Variants in NRAP observed in about 807,000 individuals in gnomAD.
NRAP encodes the protein nebulin-related-anchoring protein.
NRAP carries 189 observed loss-of-function variants against 225.9 expected under a neutral mutation model. The observed-to-expected ratio is 0.84, with a 90% confidence interval of 0.74 to 0.94. NRAP has a LOEUF of 0.94. Among genes scored for constraint, NRAP ranks in the 40% least tolerant of loss-of-function variants. The probability of loss-of-function intolerance (pLI) is 0.00; values close to 1 mark genes in which losing one functional copy is unlikely to be tolerated. For synonymous variants in NRAP, 769 were observed against 790.7 expected, an observed-to-expected ratio of 0.97 and a Z score of 0.46; for missense variants, 2,176 against 2,168.7, an observed-to-expected ratio of 1.00 and a Z score of -0.07.
chr10:113,619,031 A>T lies in NRAP; in HGVS notation c.2875-1478T>A, dbSNP rs1592778010. On this transcript the variant is annotated intron_variant, in intron 25 of 41. Coordinates refer to ENST00000359988, the MANE Select transcript of NRAP (RefSeq NM_198060.4). ...CAGCCTAAAATGAGATGGGGGGGAAAGTTGCTGAAAGATGCCTTGCCTTAC... is the reference window on the plus strand; with the variant it reads ...CAGCCTAAAATGAGATGGGGGGGAATGTTGCTGAAAGATGCCTTGCCTTAC... Among the ~76,000 whole-genome samples, 3 of 152,308 alleles carry T rather than the reference A, an allele frequency of 2.0e-5. No homozygotes were observed. In the South Asian group the frequency reaches 6.2e-4, roughly 32 times the overall value.
At chr10:113,604,998 A>T in intron 34 of NRAP, 78 bp from the exon 35 acceptor site, 1 of 1,491,768 alleles carries the variant, frequency 6.7e-7, no homozygotes, top group East Asian at 2.3e-5. Context: ...TTGTTCTTAC[A>T]CTAGGAGGTG....
Position 113,604,923 on chromosome 10 carries a change from G to A in NRAP, c.3916-3C>T. 6.2e-7 allele frequency: 1 copy of A among 1,607,566 alleles called. No homozygotes were observed. The highest frequency in any genetic ancestry group is 8.5e-7 in the Non-Finnish European group (1 of 1,175,224). On this transcript the variant is annotated splice_polypyrimidine_tract_variant and splice_region_variant and intron_variant, in intron 34 of 41. Transcript: ENST00000359988. Reference sequence around the variant, plus strand: ...ACAAAGTCATGTCTGTAGAGAAACTGCAAGAAAGGGCTGGCCGGTCAAATT... The same window carrying A: ...ACAAAGTCATGTCTGTAGAGAAACTACAAGAAAGGGCTGGCCGGTCAAATT...
Position 113,622,157 on chromosome 10 carries a change from C to T in NRAP, c.2481G>A (p.Glu827=), listed in dbSNP as rs946296448. 1 of 1,613,138 alleles carries T rather than the reference C, an allele frequency of 6.2e-7. No homozygotes were observed. The highest frequency in any genetic ancestry group is 8.5e-7 in the Non-Finnish European group (1 of 1,179,252). The change falls in exon 24 of 42, where the codon GAG becomes GAA. Residue 827 remains glutamate (E), a synonymous_variant. Coordinates refer to ENST00000359988, the MANE Select transcript of NRAP (RefSeq NM_198060.4). ...ASEVKYKEDY[E]RSRGKLIGAK... ...CCCCAATGAGCTTCCCTCTGGATCT[C>T]TCATAATCCTCCTTGTACTTCACCT...
intron 30 of NRAP, 98 bp from the exon 31 acceptor site, chr10:113,610,661 C>A: frequency 1.4e-6 from 1 of 706,572 alleles, no homozygotes; most frequent in Non-Finnish European, 2.5e-6. Context: ...CATCTGACAG[C>A]GTCATAATTA....
At chr10:113,647,657 A>G (rs1281015133) in intron 9 of NRAP, among the ~76,000 whole-genome samples, 1 of 143,674 alleles carries the variant, frequency 7.0e-6, no homozygotes, top group African/African-American at 2.5e-5. Context: ...CCCCGGTGGT[A>G]CTGCCTCCCC....
At chr10:113,644,164 A>AAAAAAAAAAC (rs1206298956) in intron 11 of NRAP, among the ~76,000 whole-genome samples, 1 of 150,408 alleles carries the variant, frequency 6.6e-6, no homozygotes. Flanking sequence ...AAAAAAAAAA[A>AAAAAAAAAAC]AAAAAGGCCA....
intron 11 of NRAP, among the ~76,000 whole-genome samples, chr10:113,644,189 T>A (rs554269814): frequency 6.9e-6 from 1 of 145,626 alleles, no homozygotes; most frequent in Admixed American, 6.9e-5. Context: ...GTTAACAGTG[T>A]TATTCCTGGG....
At chr10:113,593,933 G>A (rs1485334712) in intron 38 of NRAP, among the ~76,000 whole-genome samples, 1 of 152,218 alleles carries the variant, frequency 6.6e-6, no homozygotes, top group Non-Finnish European at 1.5e-5. Flanking sequence ...AGAAAGCATG[G>A]CCCAGATCGG....
At chr10:113,629,865 T>C (rs1848486841) in intron 18 of NRAP, 80 bp from the exon 19 acceptor site, 2 of 982,358 alleles carry the variant, frequency 2.0e-6, no homozygotes, top group Non-Finnish European at 3.2e-6. Flanking sequence ...GCAGGAAAGA[T>C]TTCCGGGCTT....
At chr10:113,609,348 A>G (rs1014191862) in intron 31 of NRAP, among the ~76,000 whole-genome samples, 2 of 152,160 alleles carry the variant, frequency 1.3e-5, no homozygotes, top group African/African-American at 2.4e-5. Flanking sequence ...ATTTCTCTGG[A>G]AAAGCAAAGC....
At position 113,644,062 on chromosome 10, in the gene NRAP, C is replaced by T. The variant is rs556787480; in HGVS notation, c.1111-1024G>A. Reference sequence around the variant, plus strand: ...ACTCAGGAGGCTGAGGAAGGGGAATCGCTTGACGTGGGAGGTGGAGGTTGC... The same window carrying T: ...ACTCAGGAGGCTGAGGAAGGGGAATTGCTTGACGTGGGAGGTGGAGGTTGC... On this transcript the variant is annotated intron_variant, in intron 11 of 41. Coordinates refer to ENST00000359988, the MANE Select transcript of NRAP (RefSeq NM_198060.4). 4.4e-5 allele frequency among the ~76,000 whole-genome samples: 6 copies of T among 136,392 alleles called. No individual in the cohort carries two copies. The South Asian group carries it at 7.2e-4, about 16-fold the overall frequency. The allele number at this position is 136,392 out of a possible 152,430, so 89.5% of individuals were successfully genotyped here.
Position 113,588,911 on chromosome 10 carries a change from C to T in NRAP, c.*64G>A. 1.5e-6 allele frequency: 2 copies of T among 1,332,984 alleles called. No individual in the cohort carries two copies. The highest frequency in any genetic ancestry group is 2.2e-6 in the Non-Finnish European group (2 of 928,578). The allele number at this position is 1,332,984 out of a possible 1,614,324, so 82.6% of individuals were successfully genotyped here. A position where few individuals can be genotyped will look rare whatever the true frequency, so the allele number is the denominator to read the frequency against. ...TCCAGCTTGCCGAAATCAAAGCCAT[C>T]TGAAGCCTGTCTCTGGTGAACAAAC... On this transcript the variant is annotated 3_prime_UTR_variant, in exon 42 of 42. Transcript: ENST00000359988.
At chr10:113,650,251 G>T in intron 8 of NRAP, 110 bp from the exon 9 acceptor site, 1 of 811,040 alleles carries the variant, frequency 1.2e-6, no homozygotes, top group Non-Finnish European at 2.1e-6. Flanking sequence ...TGGATCTAGG[G>T]AGTAGGTATG....
intron 3 of NRAP, among the ~76,000 whole-genome samples, chr10:113,661,689 T>C (rs1850688674): frequency 6.6e-6 from 1 of 152,180 alleles, no homozygotes; most frequent in Admixed American, 6.5e-5. Context: ...CTATTAGATT[T>C]TCAAGAGGTT....
At chr10:113,614,698 C>T in intron 28 of NRAP, 141 bp downstream of exon 28, 1 of 641,384 alleles carries the variant, frequency 1.6e-6, no homozygotes, top group Non-Finnish European at 2.8e-6. Context: ...TCTCACTGGT[C>T]ATTATCTGAT....
chr10:113,593,847 C>T (rs1846133171), intron 38 of NRAP, among the ~76,000 whole-genome samples: 1 of 152,240 alleles, frequency 6.6e-6, no homozygotes, highest in African/African-American at 2.4e-5. Context: ...CTTGATGCAA[C>T]ATCGAAGTCC....
At chr10:113,608,025 T>C (rs1847100086) in intron 32 of NRAP, among the ~76,000 whole-genome samples, 1 of 152,340 alleles carries the variant, frequency 6.6e-6, no homozygotes, top group South Asian at 2.1e-4. Context: ...GTAAAATTGG[T>C]TAGCCAATAT....
intron 15 of NRAP, 136 bp from the exon 16 acceptor site, chr10:113,633,324 C>T (rs1848678460): frequency 1.7e-6 from 1 of 582,518 alleles, no homozygotes; most frequent in Middle Eastern, 2.7e-4. Flanking sequence ...GCAGCCTGTA[C>T]TTTTTGTGAA....
chr10:113,595,491 C>T, intron 38 of NRAP, 132 bp downstream of exon 38: 1 of 611,656 alleles, frequency 1.6e-6, no homozygotes, highest in East Asian at 2.8e-5. Context: ...CAAACAGTTT[C>T]TCAGTTCAGT....
Sources: gnomAD v4.1 joint callset for allele counts (sites outside exome capture counted in the v4.1 genomes callset) on GRCh38, gnomAD v4.1.1 for gene constraint, MANE v1.5 for transcripts, NCBI Gene and HGNC (gene_info 2026-07-23, HGNC 2026-07-21) for gene names.